Variants in SHISA6 observed in about 807,000 individuals in gnomAD.
The protein encoded by SHISA6 is protein shisa-6.
In SHISA6, 22 loss-of-function variants were observed where a neutral mutation model predicts 47.9. The observed-to-expected ratio is 0.46, with a 90% CI of 0.33 to 0.66. The LOEUF (loss-of-function observed/expected upper bound fraction) is 0.66. SHISA6 is among the 30% of genes least tolerant of loss of function. The pLI is 0.02. For synonymous variants in SHISA6, 388 were observed against 337.8 expected (o/e 1.15, Z -1.63); for missense variants, 680 against 764.6 (o/e 0.89, Z 1.30).
intron 3 of SHISA6, among the ~76,000 whole-genome samples, chr17:11,466,196 C>T (rs1393265826): frequency 6.6e-6 from 1 of 152,134 alleles, no homozygotes; most frequent in African/African-American, 2.4e-5. Context: ...GACACATAAA[C>T]AAATCAATGC....
chr17:11,539,855 G>T (rs906201317), intron 3 of SHISA6, among the ~76,000 whole-genome samples: 1 of 152,220 alleles, frequency 6.6e-6, no homozygotes, highest in African/African-American at 2.4e-5. Flanking sequence ...CAAAGCCCAG[G>T]ACTCATGAAG....
chr17:11,377,229 A>G (rs1482694814), intron 2 of SHISA6, among the ~76,000 whole-genome samples: 1 of 152,046 alleles, frequency 6.6e-6, no homozygotes, highest in African/African-American at 2.4e-5. Flanking sequence ...TTTTTTCCCA[A>G]AGTGCTGGGG....
intron 3 of SHISA6, among the ~76,000 whole-genome samples, chr17:11,532,654 T>C (rs545459230): frequency 6.6e-6 from 1 of 151,980 alleles, no homozygotes; most frequent in Admixed American, 6.5e-5. Context: ...TGCTATAGTC[T>C]TGGAATTAGA....
At chr17:11,374,500 T>C (rs917012436) in intron 2 of SHISA6, among the ~76,000 whole-genome samples, 1 of 151,362 alleles carries the variant, frequency 6.6e-6, no homozygotes, top group African/African-American at 2.5e-5. Context: ...GTCCTTGACT[T>C]GATTTCTGTG....
chr17:11,364,719 A>G (rs1912388605), intron 2 of SHISA6, among the ~76,000 whole-genome samples: 1 of 152,210 alleles, frequency 6.6e-6, no homozygotes, highest in African/African-American at 2.4e-5. Context: ...AAATTTTTAG[A>G]TTTGGAATTG....
intron 2 of SHISA6, among the ~76,000 whole-genome samples, chr17:11,372,327 C>CAAAT (rs979151008): frequency 4.6e-5 from 7 of 152,308 alleles, no homozygotes; most frequent in Non-Finnish European, 1.0e-4. Flanking sequence ...GCATGCCCTT[C>CAAAT]AAATTGGCAC....
At position 11,283,966 on chromosome 17, in the gene SHISA6, T is replaced by G. The variant is rs192298038; in HGVS notation, c.799+20440T>G. On this transcript the variant is annotated intron_variant, in intron 2 of 5. Coordinates refer to ENST00000441885, the MANE Select transcript of SHISA6 (RefSeq NM_207386.4). ...GGTAGGTTGTTGTTCCCCAGTTCCT[T>G]TTTAGTTCTCCTAAGTTTTCCTTGT... Among the ~76,000 whole-genome samples, 538 of 152,302 alleles carry G rather than the reference T, an allele frequency of 3.5e-3. 3 individuals carry two copies. Among genetic ancestry groups the G allele is most frequent in the African/African-American group, 0.012 (510 of 41,552 alleles).
chr17:11,281,314 G>A (rs1224572993), intron 2 of SHISA6, among the ~76,000 whole-genome samples: 1 of 152,136 alleles, frequency 6.6e-6, no homozygotes, highest in Non-Finnish European at 1.5e-5. Context: ...TTATCAAATA[G>A]GAAGAGTTTT....
chr17:11,437,255 C>T (rs145608628), intron 3 of SHISA6, among the ~76,000 whole-genome samples: 1 of 152,146 alleles, frequency 6.6e-6, no homozygotes, highest in South Asian at 2.1e-4. Context: ...CTGAGAATTG[C>T]CCCAGGACCA....
At chr17:11,300,149 C>CAAAAA (rs56060137) in intron 2 of SHISA6, among the ~76,000 whole-genome samples, 1 of 129,190 alleles carries the variant, frequency 7.7e-6, no homozygotes, top group Admixed American at 8.0e-5. Context: ...CATCTTAAAA[C>CAAAAA]AAAAAAAAAA....
chr17:11,503,509 A>G (rs2071472862), intron 3 of SHISA6, among the ~76,000 whole-genome samples: 1 of 152,092 alleles, frequency 6.6e-6, no homozygotes, highest in Non-Finnish European at 1.5e-5. Flanking sequence ...CCCATTGTCC[A>G]TACTGACTCC....
intron 2 of SHISA6, among the ~76,000 whole-genome samples, chr17:11,274,840 C>T (rs935469376): frequency 4.6e-5 from 7 of 152,142 alleles, no homozygotes; most frequent in Admixed American, 1.3e-4. Flanking sequence ...ATGCTCAGAA[C>T]GCTCAGAGGG....
chr17:11,360,266 T>C (rs1912220896), intron 2 of SHISA6, among the ~76,000 whole-genome samples: 1 of 152,094 alleles, frequency 6.6e-6, no homozygotes. Flanking sequence ...AGTTGAACAA[T>C]GAGAACACAT....
At chr17:11,376,025 GC>G (rs1912786010) in intron 2 of SHISA6, among the ~76,000 whole-genome samples, 1 of 152,104 alleles carries the variant, frequency 6.6e-6, no homozygotes, top group African/African-American at 2.4e-5. Context: ...CGGAACTTTG[GC>G]TTAACTTCTG....
chr17:11,561,940 G>C lies in SHISA6; in HGVS notation c.*3636G>C, dbSNP rs930936037. The C allele has an allele frequency of 6.6e-6, 1 of 152,262 alleles. No individual in the cohort carries two copies. Among genetic ancestry groups the C allele is most frequent in the Non-Finnish European group, 1.5e-5 (1 of 68,080 alleles). 9.4% of individuals were successfully genotyped at this position (152,262 alleles called of 1,614,324 possible). On this transcript the variant is annotated 3_prime_UTR_variant, in exon 6 of 6. Coordinates refer to ENST00000441885, the MANE Select transcript of SHISA6 (RefSeq NM_207386.4). ...CTGAGCTCTGGGAGGGAAGGGAATG[G>C]AGCTCTGGGTTTGAGATGTCATGGC...
intron 3 of SHISA6, among the ~76,000 whole-genome samples, chr17:11,455,197 A>C (rs1041203986): frequency 1.7e-4 from 25 of 151,292 alleles, no homozygotes; most frequent in African/African-American, 5.3e-4. Flanking sequence ...AACAAACAAA[A>C]AAAACAGTTC....
At chr17:11,452,317 T>G (rs1053364781) in intron 3 of SHISA6, among the ~76,000 whole-genome samples, 1 of 152,226 alleles carries the variant, frequency 6.6e-6, no homozygotes, top group Admixed American at 6.5e-5. Flanking sequence ...TCTGGCATTT[T>G]CAGGAAACCT....
At chr17:11,286,690 A>G (rs1241287278) in intron 2 of SHISA6, among the ~76,000 whole-genome samples, 1 of 152,246 alleles carries the variant, frequency 6.6e-6, no homozygotes, top group Non-Finnish European at 1.5e-5. Context: ...ATCCCAGTTC[A>G]GAGGAAGGTT....
At chr17:11,254,708 A>T (rs1211789195) in intron 1 of SHISA6, among the ~76,000 whole-genome samples, 8 of 152,120 alleles carry the variant, frequency 5.3e-5, no homozygotes, top group Admixed American at 3.9e-4. Flanking sequence ...TTGGCCTGAG[A>T]TCCACTTCCT....
Sources: allele counts gnomAD v4.1 joint callset (sites outside exome capture counted in the v4.1 genomes callset), GRCh38; gene constraint gnomAD v4.1.1; transcripts MANE v1.5; gene names NCBI Gene and HGNC (gene_info 2026-07-23, HGNC 2026-07-21).